Variants in MYO18B observed in about 807,000 individuals in gnomAD.
The protein encoded by MYO18B is myosin XVIIIB, also known as unconventional myosin-XVIIIb.
A neutral mutation model predicts 273.0 loss-of-function variants in MYO18B; 204 were observed. The ratio of observed to expected loss-of-function variants is 0.75; its 90% CI spans 0.67 to 0.84. The LOEUF (loss-of-function observed/expected upper bound fraction) is 0.84. MYO18B is among the 40% of genes least tolerant of loss of function. The probability of loss-of-function intolerance (pLI) is 0.00; values close to 1 mark genes in which losing one functional copy is unlikely to be tolerated. For synonymous variants in MYO18B, 1,330 were observed against 1,305.7 expected, an observed-to-expected ratio of 1.02 and a Z score of -0.40; for missense variants, 3,212 against 3,287.6, an observed-to-expected ratio of 0.98 and a Z score of 0.56.
chr22:26,026,642 C>G lies in MYO18B; in HGVS notation c.6668C>G (p.Pro2223Arg), dbSNP rs1569308190. The change falls in exon 43 of 44, where the codon CCT becomes CGT. Residue 2223 changes from proline (P) to arginine (R), a missense_variant. By Grantham distance (103) the Pro-to-Arg change is moderately radical. Coordinates refer to ENST00000335473, the MANE Select transcript of MYO18B (RefSeq NM_032608.7). ...AGAAAGTCCACAGAGAGATTAGAAC[C>G]TGCTTCCTCTCCCCTGGCTTCTCGG... Reference protein sequence around the residue: ...VQRKSTERLEPASSPLASRST... With the variant: ...VQRKSTERLERASSPLASRST... 1 of 1,613,432 alleles carries G rather than the reference C, an allele frequency of 6.2e-7. No individual in the cohort carries two copies.
chr22:25,769,281 G>C lies in MYO18B; in HGVS notation c.1365G>C (p.Gly455=), dbSNP rs748197792. Residue 455 remains glycine (G), a synonymous_variant, in exon 4 of 44, where the codon GGG becomes GGC. Coordinates refer to ENST00000335473, the MANE Select transcript of MYO18B (RefSeq NM_032608.7). ...AEEPCSRAGD[G]AGALETELEG... is the part of the protein sequence containing the mutation. ...AGCCCTGCTCAAGAGCAGGTGATGG[G>C]GCTGGTGCCCTGGAGACAGAGCTGG... 6 of 1,586,128 alleles carry C rather than the reference G, an allele frequency of 3.8e-6. No individual in the cohort carries two copies. In the East Asian group the frequency reaches 1.4e-4, roughly 37 times the overall value.
At position 25,921,360 on chromosome 22, in the gene MYO18B, A is replaced by T. The variant is rs766188888; in HGVS notation, c.5468A>T (p.Asp1823Val). Reference protein sequence around the residue: ...DVQLLLGTMEDGKTSVSKEEL... With the variant: ...DVQLLLGTMEVGKTSVSKEEL... Reference sequence around the variant, plus strand: ...CAGCTCCTTCTGGGCACCATGGAGGATGGCAAGACATCAGTCAGCAAGGAG... The same window carrying T: ...CAGCTCCTTCTGGGCACCATGGAGGTTGGCAAGACATCAGTCAGCAAGGAG... The change falls in exon 34 of 44, where the codon GAT becomes GTT. Residue 1823 changes from aspartate (D) to valine (V), a missense_variant. Physicochemically the swap from Asp to Val is radical, Grantham distance 152 (BLOSUM62 -3). Coordinates refer to ENST00000335473, the MANE Select transcript of MYO18B (RefSeq NM_032608.7). 1.9e-6 allele frequency: 3 copies of T among 1,596,460 alleles called. No individual in the cohort carries two copies. In the East Asian group the frequency reaches 6.8e-5, roughly 36 times the overall value.
intron 12 of MYO18B, among the ~76,000 whole-genome samples, chr22:25,805,770 T>A (rs925574826): frequency 2.6e-5 from 4 of 152,154 alleles, no homozygotes; most frequent in African/African-American, 9.7e-5. Context: ...ATGTTTCCAG[T>A]TTGACTCTCT....
chr22:26,026,700 G>T lies in MYO18B; in HGVS notation c.6726G>T (p.Lys2242Asn), dbSNP rs776565409. The T allele has an allele frequency of 1.9e-6, 3 of 1,613,862 alleles. No individual in the cohort carries two copies. The highest frequency in any genetic ancestry group is 2.2e-5 in the East Asian group (1 of 44,858). The change falls in exon 43 of 44, where the codon AAG (lysine) becomes AAT (asparagine). Residue 2242 changes from lysine to asparagine, a missense_variant. By Grantham distance (94) the Lys-to-Asn change is moderately conservative (BLOSUM62 0). Coordinates refer to ENST00000335473, the MANE Select transcript of MYO18B (RefSeq NM_032608.7). ...STNTSPLSRE[K>N]LPSPSAALSE... ...ATACATCCCCGCTGTCGAGGGAAAAGCTGCCCAGTCCTTCAGCGGCCCTCT... is the reference window on the plus strand; with the variant it reads ...ATACATCCCCGCTGTCGAGGGAAAATCTGCCCAGTCCTTCAGCGGCCCTCT...
In MYO18B at chr22:25,952,388, A is replaced by G; in HGVS notation, c.5935A>G (p.Thr1979Ala). 6.2e-7 allele frequency: 1 copy of G among 1,613,124 alleles called. No individual in the cohort carries two copies. Among genetic ancestry groups the G allele is most frequent in the Admixed American group, 1.7e-5 (1 of 59,934 alleles). Residue 1979 changes from threonine to alanine, a missense_variant, in exon 38 of 44, where the codon ACA becomes GCA. Thr to Ala is a moderately conservative substitution (Grantham distance 58). Transcript: ENST00000335473. ...GGTCATCTGTGACCTAGAGAACAAGACAGAGTTCCAGAAGGTGCAGATTAA... is the reference window on the plus strand; with the variant it reads ...GGTCATCTGTGACCTAGAGAACAAGGCAGAGTTCCAGAAGGTGCAGATTAA... ...EAVICDLENK[T>A]EFQKVQIKRF... is the part of the protein sequence containing the mutation.
At chr22:25,820,870 C>T (rs967779216) in intron 12 of MYO18B, among the ~76,000 whole-genome samples, 3 of 152,152 alleles carry the variant, frequency 2.0e-5, no homozygotes, top group African/African-American at 7.2e-5. Flanking sequence ...ATGCTCTATT[C>T]TGCTTTCTAC....
In MYO18B at chr22:26,026,984, C is replaced by T. The variant is rs1337818419; in HGVS notation, c.7010C>T (p.Thr2337Ile). ...ATCTCTTCAGACGGTGTTGGGGGCA[C>T]AACCCTACTCCCCGAAAAGTCGAAA... ...KCISSDGVGGTTLLPEKSKTQ... is the reference protein window; with the variant it reads ...KCISSDGVGGITLLPEKSKTQ... Residue 2337 changes from threonine (T) to isoleucine (I), a missense_variant, in exon 43 of 44, where the codon ACA becomes ATA. Transcript: ENST00000335473. 1.9e-6 allele frequency: 3 copies of T among 1,613,948 alleles called. No homozygotes were observed. The highest frequency in any genetic ancestry group is 2.5e-6 in the Non-Finnish European group (3 of 1,179,898).
intron 12 of MYO18B, 72 bp downstream of exon 12, chr22:25,798,169 T>G: frequency 6.7e-7 from 1 of 1,487,632 alleles, no homozygotes; most frequent in Non-Finnish European, 9.0e-7. Flanking sequence ...AAGGCCCTTC[T>G]CTCGGAGCGG....
At chr22:25,918,200 C>A (rs376151898) in intron 33 of MYO18B, among the ~76,000 whole-genome samples, 1 of 152,176 alleles carries the variant, frequency 6.6e-6, no homozygotes, top group Non-Finnish European at 1.5e-5. Context: ...CTCAGCAACA[C>A]GCATTCTGTC....
At chr22:25,827,178 G>C (rs944465182) in intron 14 of MYO18B, among the ~76,000 whole-genome samples, 1 of 152,188 alleles carries the variant, frequency 6.6e-6, no homozygotes, top group Non-Finnish European at 1.5e-5. Context: ...TGTGTAACCT[G>C]CTTTGCATCA....
chr22:25,742,752 A>G (rs2085665128), intron 1 of MYO18B, among the ~76,000 whole-genome samples: 1 of 152,184 alleles, frequency 6.6e-6, no homozygotes, highest in Non-Finnish European at 1.5e-5. Context: ...GTTGAGTCGA[A>G]ATGTTAATTT....
rs967148515 is a variant in MYO18B at position 25,768,496 on chromosome 22, G to A, written c.580G>A (p.Glu194Lys). 1 of 1,605,858 alleles carries A rather than the reference G, an allele frequency of 6.2e-7. No individual in the cohort carries two copies. Among genetic ancestry groups the A allele is most frequent in the South Asian group, 1.1e-5 (1 of 89,164 alleles). Residue 194 changes from glutamate (E) to lysine (K), a missense_variant, in exon 4 of 44, where the codon GAG becomes AAG. By Grantham distance (56) the Glu-to-Lys change is moderately conservative. Coordinates refer to ENST00000335473, the MANE Select transcript of MYO18B (RefSeq NM_032608.7). ...ATDTGKEKKG[E>K]TSRTPCGSQA... ...AGATACTGGAAAGGAAAAGAAAGGG[G>A]AGACCTCTAGGACTCCTTGTGGCTC...
intron 2 of MYO18B, among the ~76,000 whole-genome samples, chr22:25,761,909 G>T (rs2086333409): frequency 6.6e-6 from 1 of 152,116 alleles, no homozygotes; most frequent in Non-Finnish European, 1.5e-5. Context: ...GAATCATGAG[G>T]TCAGGAGTTC....
At chr22:26,023,554 G>A (rs1205102425) in intron 42 of MYO18B, among the ~76,000 whole-genome samples, 3 of 150,026 alleles carry the variant, frequency 2.0e-5, no homozygotes, top group Non-Finnish European at 3.0e-5. Context: ...TTCACCCTCC[G>A]TTTTCATGCC....
At chr22:25,912,498 GA>G (rs748739080) in intron 33 of MYO18B, among the ~76,000 whole-genome samples, 6 of 152,146 alleles carry the variant, frequency 3.9e-5, no homozygotes, top group Non-Finnish European at 8.8e-5. Context: ...AAGTTTAAAT[GA>G]ATAAAAAGCC....
chr22:25,785,159 G>A (rs1431706727), intron 10 of MYO18B, among the ~76,000 whole-genome samples: 1 of 152,202 alleles, frequency 6.6e-6, no homozygotes, highest in Non-Finnish European at 1.5e-5. Context: ...AAGATCTGGG[G>A]TTAGTCCCTG....
chr22:25,857,335 G>A (rs1334793217), intron 21 of MYO18B, among the ~76,000 whole-genome samples: 1 of 152,174 alleles, frequency 6.6e-6, no homozygotes, highest in African/African-American at 2.4e-5. Flanking sequence ...CTACAGTGTT[G>A]ATTGATTTTA....
chr22:25,813,557 G>C (rs2088862437), intron 12 of MYO18B, among the ~76,000 whole-genome samples: 1 of 152,180 alleles, frequency 6.6e-6, no homozygotes, highest in African/African-American at 2.4e-5. Flanking sequence ...CCCTTGAACT[G>C]AATCTTGAAA....
At chr22:25,956,377 G>A (rs1601683065) in intron 39 of MYO18B, among the ~76,000 whole-genome samples, 2 of 152,172 alleles carry the variant, frequency 1.3e-5, no homozygotes, top group South Asian at 2.1e-4. Flanking sequence ...CACCATGTCC[G>A]TCTAATTTTT....
Sources: allele counts gnomAD v4.1 joint callset (sites outside exome capture counted in the v4.1 genomes callset), GRCh38; gene constraint gnomAD v4.1.1; transcripts MANE v1.5; gene names NCBI Gene and HGNC (gene_info 2026-07-23, HGNC 2026-07-21).